The following CCDC13 variants were observed in gnomAD, a reference collection of about 807,000 sequenced individuals.
CCDC13 encodes coiled-coil domain-containing protein 13.
In CCDC13, 70 loss-of-function variants were observed where a neutral mutation model predicts 87.3. That is an observed-to-expected ratio of 0.80 (90% CI 0.66 to 0.98). The LOEUF is 0.98. Ranked by LOEUF, CCDC13 falls within the 50% of genes least tolerant of loss-of-function variation. The pLI is 0.00. For synonymous variants in CCDC13, 317 were observed against 360.3 expected (o/e 0.88, Z 1.36); for missense variants, 842 against 892.0 (o/e 0.94, Z 0.71).
At chr3:42,769,747 G>A (rs1700016434) in intron 1 of CCDC13, among the ~76,000 whole-genome samples, 1 of 152,272 alleles carries the variant, frequency 6.6e-6, no homozygotes, top group African/African-American at 2.4e-5. Context: ...GCTGCGCGCA[G>A]CGCTTGCCGG....
At chr3:42,753,181 C>T (rs981671742) in intron 3 of CCDC13, among the ~76,000 whole-genome samples, 8 of 152,162 alleles carry the variant, frequency 5.3e-5, no homozygotes, top group Admixed American at 2.0e-4. Flanking sequence ...GAAAAGCACT[C>T]GTGCAGTTAA....
intron 3 of CCDC13, among the ~76,000 whole-genome samples, chr3:42,756,112 A>G (rs1434144319): frequency 6.6e-6 from 1 of 152,214 alleles, no homozygotes; most frequent in African/African-American, 2.4e-5. Context: ...TGGTCCTATG[A>G]ACGTACCTAT....
chr3:42,737,429 A>G (rs554436596), intron 9 of CCDC13, among the ~76,000 whole-genome samples: 15 of 152,366 alleles, frequency 9.8e-5, no homozygotes, highest in African/African-American at 3.6e-4. Context: ...GTATATACCC[A>G]GTAATGGGAT....
At chr3:42,718,317 G>A (rs1008995186) in intron 13 of CCDC13, among the ~76,000 whole-genome samples, 25 of 152,166 alleles carry the variant, frequency 1.6e-4, no homozygotes, top group African/African-American at 5.6e-4. Flanking sequence ...GTTTACAGAT[G>A]CCACGGCAAT....
intron 1 of CCDC13, among the ~76,000 whole-genome samples, chr3:42,763,503 CT>C (rs765712843): frequency 0.012 from 1,553 of 130,002 alleles, 6 homozygotes; most frequent in Middle Eastern, 0.051. Context: ...AAGAGATGTA[CT>C]TTTTTTTTTT....
At chr3:42,772,133 A>T (rs1209573185) in intron 1 of CCDC13, among the ~76,000 whole-genome samples, 2 of 151,824 alleles carry the variant, frequency 1.3e-5, no homozygotes, top group African/African-American at 4.8e-5. Context: ...TTAGCCAGGC[A>T]TGGTGGCGGG....
rs191378276 is a variant in CCDC13 at position 42,729,483 on chromosome 3, G to A, written c.1718+984C>T. Among the ~76,000 whole-genome samples, 1,256 of 152,220 alleles carry A rather than the reference G, an allele frequency of 8.3e-3. 10 individuals are homozygous for A. Among genetic ancestry groups the A allele is most frequent in the Non-Finnish European group, 0.01 (687 of 68,018 alleles). On this transcript the variant is annotated intron_variant, in intron 13 of 15. Coordinates refer to ENST00000310232, the MANE Select transcript of CCDC13 (RefSeq NM_144719.4). Reference sequence around the variant, plus strand: ...CTATCAGTACCCCCATTTTCCCTTTGGCAAACTACCTTTCCTGCATTCTGT... The same window carrying A: ...CTATCAGTACCCCCATTTTCCCTTTAGCAAACTACCTTTCCTGCATTCTGT...
chr3:42,756,641 G>T (rs954503920), intron 3 of CCDC13, among the ~76,000 whole-genome samples: 1 of 151,922 alleles, frequency 6.6e-6, no homozygotes, highest in Non-Finnish European at 1.5e-5. Context: ...AGTGCAGTGG[G>T]GGTGATCATA....
At chr3:42,728,399 C>A (rs905629630) in intron 13 of CCDC13, among the ~76,000 whole-genome samples, 1 of 151,936 alleles carries the variant, frequency 6.6e-6, no homozygotes, top group Non-Finnish European at 1.5e-5. Flanking sequence ...TCCCCCCCAC[C>A]CTCCCCTGTG....
Position 42,757,209 on chromosome 3 carries a change from A to G in CCDC13, c.227T>C (p.Leu76Pro), listed in dbSNP as rs1699723382. Residue 76 changes from leucine (L) to proline (P), a missense_variant, in exon 3 of 16, where the codon CTT becomes CCT. Transcript: ENST00000310232. Reference sequence around the variant, plus strand: ...TCGAAGGTGTTCAATCTCATCTTCAAGCACCCTACAAGGCAAAGGCAGAAT... The same window carrying G: ...TCGAAGGTGTTCAATCTCATCTTCAGGCACCCTACAAGGCAAAGGCAGAAT... ...NSKNSFEKRVLEDEIEHLRNE... is the reference protein window; with the variant it reads ...NSKNSFEKRVPEDEIEHLRNE... 6.2e-7 allele frequency: 1 copy of G among 1,613,726 alleles called. No homozygotes were observed. The highest frequency in any genetic ancestry group is 1.3e-5 in the African/African-American group (1 of 74,912).
chr3:42,753,144 G>A (rs2125905843), intron 3 of CCDC13, among the ~76,000 whole-genome samples: 1 of 152,338 alleles, frequency 6.6e-6, no homozygotes, highest in East Asian at 1.9e-4. Context: ...CATGTTAACA[G>A]ATAAGGTGCA....
chr3:42,745,752 T>C lies in CCDC13; in HGVS notation c.825+171A>G. The C allele has an allele frequency of 7.7e-6, 4 of 516,442 alleles. No individual in the cohort carries two copies. The South Asian group carries it at 1.4e-4, about 18-fold the overall frequency. 32.0% of individuals were successfully genotyped at this position (516,442 alleles called of 1,614,324 possible). On this transcript the variant is annotated intron_variant, in intron 7 of 15. Transcript: ENST00000310232. ...TTGTTCATTAAATAACAAATTAAAA[T>C]CAGGCTGGTTGGCGAGAAGGTAAAA...
rs530121679 is a variant in CCDC13, at chr3:42,758,272, C to T, written c.74G>A (p.Arg25Gln). ...CTTTTTCTCCATCTGCTTCTGTAAC[C>T]GTTTGTGCTGCATCTCCTGCATTGC... The part of the protein sequence containing the change: ...FKAMQEMQHK[R>Q]LQKQMEKKRE... The change falls in exon 2 of 16, where the codon CGG becomes CAG. Residue 25 changes from arginine (R) to glutamine (Q), a missense_variant. By Grantham distance (43) the Arg-to-Gln change is conservative. Transcript: ENST00000310232. 15 of 1,613,672 alleles carry T rather than the reference C, an allele frequency of 9.3e-6. No homozygotes were observed. In the African/African-American group the frequency reaches 1.2e-4, roughly 13 times the overall value.
chr3:42,736,787 C>G (rs2125887633), intron 9 of CCDC13, among the ~76,000 whole-genome samples: 1 of 152,114 alleles, frequency 6.6e-6, no homozygotes, highest in East Asian at 1.9e-4. Flanking sequence ...ATCACCCGCC[C>G]CGGGCCTGCA....
chr3:42,734,973 G>A (rs1364500661), intron 10 of CCDC13, among the ~76,000 whole-genome samples: 6 of 152,254 alleles, frequency 3.9e-5, no homozygotes, highest in Admixed American at 3.9e-4. Flanking sequence ...GAGGCACCAC[G>A]GTCTGTGCTC....
In CCDC13 at chr3:42,752,573, A is replaced by G. The variant is rs1357898982; in HGVS notation, c.513+2T>C. On this transcript the variant is annotated splice_donor_variant, in intron 4 of 15. Transcript: ENST00000310232. LOFTEE classifies it high-confidence loss of function. Reference sequence around the variant, plus strand: ...AGAGGGAGAATGACCAAGGCCCCTCACTTCCCGCTCCAGCTCCTGGATGCG... The same window carrying G: ...AGAGGGAGAATGACCAAGGCCCCTCGCTTCCCGCTCCAGCTCCTGGATGCG... The G allele has an allele frequency of 3.7e-6, 6 of 1,614,004 alleles. No homozygotes were observed. In the Admixed American group the frequency reaches 8.3e-5, roughly 22 times the overall value.
chr3:42,744,665 C>T (rs1319218376), intron 7 of CCDC13, among the ~76,000 whole-genome samples: 1 of 151,742 alleles, frequency 6.6e-6, no homozygotes, highest in East Asian at 1.9e-4. Context: ...ATTAGCCGGG[C>T]GTGGTGGCGG....
chr3:42,754,188 G>A (rs1559658634), intron 3 of CCDC13, among the ~76,000 whole-genome samples: 1 of 152,200 alleles, frequency 6.6e-6, no homozygotes, highest in Non-Finnish European at 1.5e-5. Flanking sequence ...ACAACTGGTG[G>A]AAAGCAAACA....
chr3:42,756,157 T>C (rs1166388730), intron 3 of CCDC13, among the ~76,000 whole-genome samples: 1 of 152,202 alleles, frequency 6.6e-6, no homozygotes, highest in Admixed American at 6.5e-5. Flanking sequence ...GCAAGGACAA[T>C]AGTCTGGTAG....
Sources: allele counts gnomAD v4.1 joint callset (sites outside exome capture counted in the v4.1 genomes callset), GRCh38; gene constraint gnomAD v4.1.1; transcripts MANE v1.5; gene names NCBI Gene and HGNC (gene_info 2026-07-23, HGNC 2026-07-21).